COLEC10: variants seen among roughly 807,000 people sequenced by gnomAD.
COLEC10 encodes the protein collectin subfamily member 10.
COLEC10 carries 22 observed loss-of-function variants against 28.4 expected under a neutral mutation model. The observed-to-expected ratio is 0.78, with a 90% CI of 0.55 to 1.11. The LOEUF (loss-of-function observed/expected upper bound fraction) is 1.11. Ranked by LOEUF, COLEC10 falls within the 50% of genes least tolerant of loss-of-function variation. The pLI, the probability that COLEC10 is intolerant of heterozygous loss-of-function variation, is 0.00. For missense variants in COLEC10, 361 were observed against 344.1 expected (o/e 1.05, Z -0.39); for synonymous variants, 125 against 116.1 (o/e 1.08, Z -0.49).
At chr8:119,072,751 T>C (rs72682418) in intron 1 of COLEC10, among the ~76,000 whole-genome samples, 5,175 of 152,194 alleles carry the variant, frequency 0.034, 130 homozygotes, top group Non-Finnish European at 0.054. Flanking sequence ...TGTCAGACAA[T>C]ACAAGCTCTG....
the COLEC10 span, chr8:118,982,476 A>T: frequency 1.3e-5 from 2 of 153,876 alleles, no homozygotes; most frequent in African/African-American, 4.8e-5. Context: ...GGCTGTTTAC[A>T]AGATACACAA....
At chr8:119,091,016 C>A in intron 2 of COLEC10, 133 bp from the exon 3 acceptor site, 1 of 708,484 alleles carries the variant, frequency 1.4e-6, no homozygotes, top group Admixed American at 2.5e-5. Flanking sequence ...GACAATATAG[C>A]ATGGGATATA....
chr8:119,088,593 A>G lies in COLEC10; in HGVS notation c.149-1087A>G, dbSNP rs80269022. Among the ~76,000 whole-genome samples, 389 of 152,230 alleles carry G rather than the reference A, an allele frequency of 2.6e-3. 2 individuals carry two copies. Among genetic ancestry groups the G allele is most frequent in the African/African-American group, 9.1e-3 (377 of 41,538 alleles). ...TCATTTTTGTCTTTAGAAGGTTTTG[A>G]TTTTCCTCCTTTCATCTGCTGATGG... On this transcript the variant is annotated intron_variant, in intron 1 of 5. Transcript: ENST00000332843.
In COLEC10 at chr8:119,089,797, C is replaced by A. The variant is rs1040674906; in HGVS notation, c.220+46C>A. On this transcript the variant is annotated intron_variant, in intron 2 of 5. Transcript: ENST00000332843. ...CTGACATTTTAATATCATAATTGTT[C>A]TTCTATCTCTCCTGGCCCTTGCCCT... is the stretch of plus-strand genomic sequence containing the variant. 4.0e-6 allele frequency: 6 copies of A among 1,489,782 alleles called. No individual in the cohort carries two copies. The Admixed American group carries it at 5.1e-5, about 13-fold the overall frequency. 92.3% of individuals were successfully genotyped at this position (1,489,782 alleles called of 1,614,324 possible).
At chr8:118,974,567 T>C in the COLEC10 span, among the ~76,000 whole-genome samples, 1 of 152,034 alleles carries the variant, frequency 6.6e-6, no homozygotes, top group Non-Finnish European at 1.5e-5. Context: ...TGGGAACAAC[T>C]GTAAATGGAG....
chr8:119,061,444 A>ATT (rs1563730744), intron 2 of COLEC10, among the ~76,000 whole-genome samples: 7 of 135,966 alleles, frequency 5.1e-5, no homozygotes, highest in East Asian at 3.9e-4. Context: ...CTGGTATTGA[A>ATT]AAAAAAAAAA....
chr8:119,020,870 A>G (rs1359720804), intron 2 of COLEC10, among the ~76,000 whole-genome samples: 4 of 152,164 alleles, frequency 2.6e-5, no homozygotes, highest in Non-Finnish European at 4.4e-5. Context: ...TTATCTAAAA[A>G]TGGATTTTAT....
rs1170673565 is a variant in COLEC10 at position 119,089,660 on chromosome 8, C to G, written c.149-20C>G. 2 of 1,599,998 alleles carry G rather than the reference C, an allele frequency of 1.3e-6. No individual in the cohort carries two copies. Among genetic ancestry groups the G allele is most frequent in the East Asian group, 4.5e-5 (2 of 44,638 alleles). On this transcript the variant is annotated intron_variant, in intron 1 of 5. Transcript: ENST00000332843. ...TACTGTTTGAGATGCTTCACTCTAT[C>G]TCATTTTCTGTTTCAAAAGGAGATG...
intron 1 of COLEC10, among the ~76,000 whole-genome samples, chr8:119,072,772 G>T (rs1369877702): frequency 6.6e-6 from 1 of 152,154 alleles, no homozygotes; most frequent in Non-Finnish European, 1.5e-5. Flanking sequence ...CCCGGTTGCT[G>T]CTCCACTCTG....
the COLEC10 span, among the ~76,000 whole-genome samples, chr8:118,986,536 A>T: frequency 1.8e-3 from 281 of 152,312 alleles, 1 homozygote; most frequent in African/African-American, 6.3e-3. Context: ...TTACAGTGCT[A>T]AGGAAAATAA....
At chr8:118,971,965 A>G in the COLEC10 span, among the ~76,000 whole-genome samples, 2 of 151,918 alleles carry the variant, frequency 1.3e-5, no homozygotes, top group Non-Finnish European at 2.9e-5. Context: ...AACCTCTATC[A>G]TTTTAAGATT....
upstream of COLEC10, among the ~76,000 whole-genome samples, chr8:119,064,203 T>C (rs1814909680): frequency 6.6e-6 from 1 of 152,204 alleles, no homozygotes; most frequent in Non-Finnish European, 1.5e-5. Flanking sequence ...AAATAATGTT[T>C]TATATAAAAT....
At chr8:119,073,766 A>G (rs183405421) in intron 1 of COLEC10, among the ~76,000 whole-genome samples, 3 of 152,162 alleles carry the variant, frequency 2.0e-5, no homozygotes, top group Admixed American at 1.3e-4. Context: ...TCATTTTAGT[A>G]TGAATTTAAT....
chr8:119,082,993 C>T (rs930733385), intron 1 of COLEC10, among the ~76,000 whole-genome samples: 6 of 152,182 alleles, frequency 3.9e-5, no homozygotes, highest in African/African-American at 1.4e-4. Context: ...GCTTTGACCT[C>T]TTCCTGGGAA....
chr8:118,995,446 A>T (rs1379415235), upstream of COLEC10: 1 of 152,184 alleles, frequency 6.6e-6, no homozygotes, highest in African/African-American at 2.4e-5. Flanking sequence ...TTATCAGTTC[A>T]TATGTTGAAT....
intron 1 of COLEC10, among the ~76,000 whole-genome samples, chr8:119,077,500 C>A (rs1162525853): frequency 6.6e-6 from 1 of 152,126 alleles, no homozygotes; most frequent in Non-Finnish European, 1.5e-5. Flanking sequence ...TGGGTCATAT[C>A]ATTACCTCTT....
At chr8:119,064,577 T>C (rs144169553), upstream of COLEC10, among the ~76,000 whole-genome samples, 1 of 152,202 alleles carries the variant, frequency 6.6e-6, no homozygotes, top group African/African-American at 2.4e-5. Context: ...TGTGATTTGC[T>C]CTATGTCACA....
chr8:119,073,823 A>G (rs1212288096), intron 1 of COLEC10, among the ~76,000 whole-genome samples: 1 of 152,038 alleles, frequency 6.6e-6, no homozygotes. Context: ...TTGGATATGT[A>G]TTAATCACTA....
At chr8:119,038,025 G>A (rs974292749) in intron 2 of COLEC10, among the ~76,000 whole-genome samples, 5 of 152,176 alleles carry the variant, frequency 3.3e-5, no homozygotes, top group Admixed American at 2.0e-4. Flanking sequence ...AATTTATTCA[G>A]GAGTTCAACA....
Sources: gnomAD v4.1 joint callset for allele counts (sites outside exome capture counted in the v4.1 genomes callset) on GRCh38, gnomAD v4.1.1 for gene constraint, MANE v1.5 for transcripts, NCBI Gene and HGNC (gene_info 2026-07-23, HGNC 2026-07-21) for gene names.